Variants in SPOCK1 observed in about 807,000 individuals in gnomAD.
SPOCK1 encodes SPARC (osteonectin), cwcv and kazal like domains proteoglycan 1, also known as testican-1.
Under a neutral mutation model 55.3 loss-of-function variants are expected in SPOCK1, and 23 were observed. The ratio of observed to expected loss-of-function variants is 0.42; its 90% CI spans 0.30 to 0.59. The LOEUF (loss-of-function observed/expected upper bound fraction) is 0.59, where lower values mean the gene tolerates loss of function less well. Ranked by LOEUF, SPOCK1 falls within the 20% of genes least tolerant of loss-of-function variation. The pLI is 0.22. For synonymous variants in SPOCK1, 226 were observed against 221.0 expected, an observed-to-expected ratio of 1.02 and a Z score of -0.20; for missense variants, 499 against 552.5, an observed-to-expected ratio of 0.90 and a Z score of 0.97.
chr5:137,377,942 CTTTTTTTTTTTTT>C lies in SPOCK1; in HGVS notation c.187-110900_187-110888del, dbSNP rs3043282. Among the ~76,000 whole-genome samples, 10 of 104,622 alleles carry C rather than the reference CTTTTTTTTTTTTT, an allele frequency of 9.6e-5. No homozygotes were observed. In the Admixed American group the frequency reaches 1.1e-3, roughly 11 times the overall value. The allele number at this position is 104,622 out of a possible 152,430, so 68.6% of individuals were successfully genotyped here. On this transcript the variant is annotated intron_variant, in intron 2 of 10. Coordinates refer to ENST00000394945, the MANE Select transcript of SPOCK1 (RefSeq NM_004598.4). ...AGAAATGCAATACAATCACTTCTTC[CTTTTTTTTTTTTT>C]TTTTTTTTTGAGACAGTTTGCTCTT...
intron 2 of SPOCK1, among the ~76,000 whole-genome samples, chr5:137,432,976 A>G (rs1752781550): frequency 6.6e-6 from 1 of 152,210 alleles, no homozygotes; most frequent in South Asian, 2.1e-4. Flanking sequence ...TCCATGCAGC[A>G]AACAAGCATA....
At chr5:137,395,523 A>G (rs1320593664) in intron 2 of SPOCK1, among the ~76,000 whole-genome samples, 2 of 152,158 alleles carry the variant, frequency 1.3e-5, no homozygotes, top group African/African-American at 4.8e-5. Context: ...CATCTCATCC[A>G]CACCAGATCT....
chr5:137,293,262 C>T (rs536942814), intron 2 of SPOCK1, among the ~76,000 whole-genome samples: 1 of 152,208 alleles, frequency 6.6e-6, no homozygotes, highest in East Asian at 1.9e-4. Context: ...ACATGAAATG[C>T]TGTCTCCAGG....
At chr5:137,159,536 T>C (rs1279552323) in intron 3 of SPOCK1, among the ~76,000 whole-genome samples, 1 of 151,912 alleles carries the variant, frequency 6.6e-6, no homozygotes. Flanking sequence ...TATCACTCTT[T>C]ATGCTTTTGC....
intron 2 of SPOCK1, among the ~76,000 whole-genome samples, chr5:137,358,436 A>G (rs766122880): frequency 4.6e-5 from 4 of 86,504 alleles, no homozygotes; most frequent in Non-Finnish European, 8.8e-5. Flanking sequence ...AAAGAAAGAA[A>G]GGAGGGAGGG....
chr5:137,441,455 A>G (rs1453681883), intron 2 of SPOCK1, among the ~76,000 whole-genome samples: 2 of 152,234 alleles, frequency 1.3e-5, no homozygotes, highest in Admixed American at 6.5e-5. Context: ...TTATCAAATC[A>G]TACTATTTAG....
intron 2 of SPOCK1, among the ~76,000 whole-genome samples, chr5:137,462,595 A>C (rs1367440333): frequency 6.6e-6 from 1 of 152,164 alleles, no homozygotes; most frequent in African/African-American, 2.4e-5. Flanking sequence ...TCCTTATCTG[A>C]AAAAAATGAG....
At chr5:137,044,792 C>G (rs201346290) in intron 6 of SPOCK1, among the ~76,000 whole-genome samples, 3 of 130,510 alleles carry the variant, frequency 2.3e-5, no homozygotes, top group African/African-American at 5.7e-5. Context: ...ATCCCTCCCC[C>G]CTCCCCCGAC....
intron 5 of SPOCK1, among the ~76,000 whole-genome samples, chr5:137,102,971 CT>C (rs1231876816): frequency 2.6e-5 from 4 of 152,070 alleles, no homozygotes; most frequent in Non-Finnish European, 4.4e-5. Flanking sequence ...AATATCTACT[CT>C]GCTTTTTGGG....
intron 2 of SPOCK1, among the ~76,000 whole-genome samples, chr5:137,451,951 A>C (rs1266385523): frequency 6.6e-6 from 1 of 152,172 alleles, no homozygotes; most frequent in Non-Finnish European, 1.5e-5. Flanking sequence ...AGTGTTTTAG[A>C]TTTTGGATTT....
At chr5:137,216,706 G>A (rs1044647330) in intron 3 of SPOCK1, among the ~76,000 whole-genome samples, 6 of 146,022 alleles carry the variant, frequency 4.1e-5, no homozygotes, top group African/African-American at 9.8e-5. Context: ...GGAAGACTTC[G>A]TCTAAAAAAA....
intron 2 of SPOCK1, among the ~76,000 whole-genome samples, chr5:137,456,321 CTAACA>C (rs1753368320): frequency 6.6e-6 from 1 of 152,190 alleles, no homozygotes; most frequent in African/African-American, 2.4e-5. Flanking sequence ...TATTACAAAA[CTAACA>C]TAACCAATAA....
chr5:137,404,233 GC>G (rs1744504512), intron 2 of SPOCK1, among the ~76,000 whole-genome samples: 1 of 152,178 alleles, frequency 6.6e-6, no homozygotes, highest in Non-Finnish European at 1.5e-5. Flanking sequence ...GTGCACACCA[GC>G]CCCGTCAGAA....
chr5:137,306,596 A>G (rs1220410037), intron 2 of SPOCK1, among the ~76,000 whole-genome samples: 1 of 152,228 alleles, frequency 6.6e-6, no homozygotes, highest in Non-Finnish European at 1.5e-5. Flanking sequence ...AGATTACAAA[A>G]TTGATGTCAT....
chr5:137,435,735 G>A (rs902601381), intron 2 of SPOCK1, among the ~76,000 whole-genome samples: 2 of 151,402 alleles, frequency 1.3e-5, no homozygotes, highest in Non-Finnish European at 2.9e-5. Flanking sequence ...TTCCCACTAA[G>A]GTTTTAGTGT....
At chr5:137,283,453 C>A (rs1757203034) in intron 2 of SPOCK1, among the ~76,000 whole-genome samples, 1 of 152,206 alleles carries the variant, frequency 6.6e-6, no homozygotes, top group Non-Finnish European at 1.5e-5. Flanking sequence ...GTGGCTCAGG[C>A]CTGTAATCCC....
intron 2 of SPOCK1, among the ~76,000 whole-genome samples, chr5:137,474,769 T>C (rs1200312736): frequency 6.6e-6 from 1 of 152,270 alleles, no homozygotes; most frequent in East Asian, 1.9e-4. Flanking sequence ...TGAATGGTAA[T>C]CACTGAACTG....
intron 3 of SPOCK1, among the ~76,000 whole-genome samples, chr5:137,152,798 T>C (rs1163849882): frequency 6.6e-6 from 1 of 152,192 alleles, no homozygotes; most frequent in African/African-American, 2.4e-5. Context: ...CCTTAATTTA[T>C]ACGGACAACC....
At chr5:137,154,559 T>C (rs1170453018) in intron 3 of SPOCK1, among the ~76,000 whole-genome samples, 1 of 152,190 alleles carries the variant, frequency 6.6e-6, no homozygotes, top group East Asian at 1.9e-4. Context: ...GACCAGGAAG[T>C]ATCTTTAGAA....
Sources: allele counts gnomAD v4.1 joint callset (sites outside exome capture counted in the v4.1 genomes callset), GRCh38; gene constraint gnomAD v4.1.1; transcripts MANE v1.5; gene names NCBI Gene and HGNC (gene_info 2026-07-23, HGNC 2026-07-21).